Variants in FBLN5 observed in about 807,000 individuals in gnomAD.
FBLN5 encodes the protein fibulin 5.
A neutral mutation model predicts 61.6 loss-of-function variants in FBLN5; 24 were observed. The ratio of observed to expected loss-of-function variants is 0.39; its 90% CI spans 0.28 to 0.55. The LOEUF (loss-of-function observed/expected upper bound fraction) is 0.55, where lower values mean the gene tolerates loss of function less well. Among genes scored for constraint, FBLN5 ranks in the 20% least tolerant of loss-of-function variants. The pLI is 0.65. For missense variants in FBLN5, 470 were observed against 594.1 expected, an observed-to-expected ratio of 0.79 and a Z score of 2.17; for synonymous variants, 213 against 219.8, an observed-to-expected ratio of 0.97 and a Z score of 0.27.
At chr14:91,939,096 G>A (rs1382818588) in intron 3 of FBLN5, among the ~76,000 whole-genome samples, 1 of 152,134 alleles carries the variant, frequency 6.6e-6, no homozygotes, top group Non-Finnish European at 1.5e-5. Flanking sequence ...GCTCAGAGAA[G>A]ACAAATGATT....
intron 10 of FBLN5, 87 bp from the exon 11 acceptor site, chr14:91,870,472 G>T: frequency 2.2e-6 from 3 of 1,340,854 alleles, no homozygotes; most frequent in Non-Finnish European, 3.2e-6. Context: ...GCCTCCGTCA[G>T]TCAAACTGGC....
chr14:91,871,151 A>G (rs1888906629), intron 10 of FBLN5, among the ~76,000 whole-genome samples: 3 of 151,576 alleles, frequency 2.0e-5, no homozygotes, highest in Non-Finnish European at 2.9e-5. Flanking sequence ...TACTCTTGAA[A>G]GTGGAATAAA....
At chr14:91,870,527 G>C (rs1267397933) in intron 10 of FBLN5, 142 bp from the exon 11 acceptor site, 10 of 800,796 alleles carry the variant, frequency 1.2e-5, no homozygotes, top group Middle Eastern at 3.6e-4. Flanking sequence ...CCCTGGCTTT[G>C]CCCACTCTCC....
intron 4 of FBLN5, among the ~76,000 whole-genome samples, chr14:91,921,038 T>C (rs539835226): frequency 5.5e-4 from 84 of 152,342 alleles, no homozygotes; most frequent in Non-Finnish European, 1.1e-3. Flanking sequence ...AGGTGTTCTA[T>C]GCAAGCCAGT....
chr14:91,944,750 G>A (rs949975097), intron 1 of FBLN5, among the ~76,000 whole-genome samples: 7 of 152,176 alleles, frequency 4.6e-5, no homozygotes, highest in Non-Finnish European at 8.8e-5. Context: ...TAGTGTAGTC[G>A]AAATTACAGA....
intron 4 of FBLN5, among the ~76,000 whole-genome samples, chr14:91,920,896 G>A (rs2055721802): frequency 6.6e-6 from 1 of 152,204 alleles, no homozygotes; most frequent in Admixed American, 6.6e-5. Context: ...CTTTGTCAGG[G>A]AAGATAGATA....
At chr14:91,902,882 G>A (rs978001635) in intron 4 of FBLN5, among the ~76,000 whole-genome samples, 10 of 152,104 alleles carry the variant, frequency 6.6e-5, no homozygotes, top group African/African-American at 2.4e-4. Context: ...ACTTATAAGT[G>A]GGAACTGACC....
intron 4 of FBLN5, among the ~76,000 whole-genome samples, chr14:91,920,260 A>G (rs553452041): frequency 6.6e-6 from 1 of 152,252 alleles, no homozygotes; most frequent in South Asian, 2.1e-4. Flanking sequence ...CTGTCTTTGG[A>G]AAGAGATGAT....
intron 4 of FBLN5, among the ~76,000 whole-genome samples, chr14:91,934,266 C>CT (rs2055976148): frequency 6.6e-6 from 1 of 152,176 alleles, no homozygotes; most frequent in South Asian, 2.1e-4. Flanking sequence ...TGAGCACCCT[C>CT]GAACAAATCT....
chr14:91,911,868 C>T (rs918646316), intron 4 of FBLN5, among the ~76,000 whole-genome samples: 1 of 151,368 alleles, frequency 6.6e-6, no homozygotes, highest in Admixed American at 6.6e-5. Context: ...GAGGGCATGA[C>T]CTTGTAGACC....
Position 91,870,245 on chromosome 14 carries a change from A to G in FBLN5, c.1326T>C (p.Tyr442=). 1 of 1,614,208 alleles carries G rather than the reference A, an allele frequency of 6.2e-7. No individual in the cohort carries two copies. Residue 442 remains tyrosine (Y), a synonymous_variant, in exon 11 of 11, where the codon TAT becomes TAC. Coordinates refer to ENST00000342058, the MANE Select transcript of FBLN5 (RefSeq NM_006329.4). Reference sequence around the variant, plus strand: ...AGGCTCAGAATGGGTACTGCGACACATATATCCGCAGTCGGATCACGGAGC... The same window carrying G: ...AGGCTCAGAATGGGTACTGCGACACGTATATCCGCAGTCGGATCACGGAGC... The part of the protein sequence containing the change: ...RGSSVIRLRI[Y]VSQYPF
At chr14:91,906,396 G>A (rs1402730325) in intron 4 of FBLN5, among the ~76,000 whole-genome samples, 4 of 152,148 alleles carry the variant, frequency 2.6e-5, no homozygotes, top group African/African-American at 9.7e-5. Context: ...GGACCATAGA[G>A]GTGAGGGAGA....
intron 6 of FBLN5, among the ~76,000 whole-genome samples, chr14:91,889,281 G>A (rs768905418): frequency 3.9e-5 from 6 of 152,196 alleles, no homozygotes; most frequent in Non-Finnish European, 7.3e-5. Context: ...CTCTGGCCAG[G>A]CGCTGGCCAC....
At chr14:91,908,241 A>G (rs1890767094) in intron 4 of FBLN5, among the ~76,000 whole-genome samples, 2 of 152,146 alleles carry the variant, frequency 1.3e-5, no homozygotes, top group African/African-American at 4.8e-5. Context: ...CTTGACTCCA[A>G]TCAGGCTTCC....
intron 3 of FBLN5, 73 bp from the exon 4 acceptor site, chr14:91,937,274 C>G: frequency 6.3e-7 from 1 of 1,599,366 alleles, no homozygotes; most frequent in East Asian, 2.2e-5. Flanking sequence ...TTAAGCAGAA[C>G]TCGGTACCAG....
chr14:91,911,718 C>T (rs2078418088), intron 4 of FBLN5, among the ~76,000 whole-genome samples: 2 of 151,806 alleles, frequency 1.3e-5, no homozygotes, highest in Admixed American at 1.3e-4. Flanking sequence ...CCCAGTTGAG[C>T]TCCCTGCCCT....
At chr14:91,942,137 C>A in intron 2 of FBLN5, 1 of 455,996 alleles carries the variant, frequency 2.2e-6, no homozygotes, top group Non-Finnish European at 4.4e-6. Flanking sequence ...GAGGGATCTG[C>A]CCACATTTCA....
intron 4 of FBLN5, among the ~76,000 whole-genome samples, chr14:91,901,605 G>A (rs926246851): frequency 3.3e-5 from 5 of 152,128 alleles, no homozygotes; most frequent in South Asian, 2.1e-4. Flanking sequence ...TCAGCAAGAC[G>A]AGCCCAGCCA....
chr14:91,880,199 C>T (rs1310735106), intron 9 of FBLN5, among the ~76,000 whole-genome samples: 2 of 152,110 alleles, frequency 1.3e-5, no homozygotes, highest in East Asian at 3.9e-4. Context: ...CAATACTCAA[C>T]TCTCCAGCAC....
Sources: gnomAD v4.1 joint callset for allele counts (sites outside exome capture counted in the v4.1 genomes callset) on GRCh38, gnomAD v4.1.1 for gene constraint, MANE v1.5 for transcripts, NCBI Gene and HGNC (gene_info 2026-07-23, HGNC 2026-07-21) for gene names.